Variants in NCAPH observed in about 807,000 individuals in gnomAD.
NCAPH encodes the protein non-SMC condensin I complex subunit H.
In NCAPH, 38 loss-of-function variants were observed where a neutral mutation model predicts 85.5. That is an observed-to-expected ratio of 0.44 (90% CI 0.34 to 0.58). NCAPH has a LOEUF of 0.58. Among genes scored for constraint, NCAPH ranks in the 20% least tolerant of loss-of-function variants. NCAPH has a pLI of 0.01. For missense variants in NCAPH, 789 were observed against 916.6 expected, an observed-to-expected ratio of 0.86 and a Z score of 1.80; for synonymous variants, 301 against 335.1, an observed-to-expected ratio of 0.90 and a Z score of 1.11.
intron 6 of NCAPH, 24 bp downstream of exon 6, chr2:96,344,253 G>A (rs771877475): frequency 6.3e-7 from 1 of 1,584,774 alleles, no homozygotes; most frequent in Non-Finnish European, 8.6e-7. Context: ...TGCGCAGTGT[G>A]GTTTCTGACT....
At chr2:96,354,136 G>T in intron 8 of NCAPH, 47 bp from the exon 9 acceptor site, 1 of 1,561,748 alleles carries the variant, frequency 6.4e-7, no homozygotes, top group South Asian at 1.2e-5. Flanking sequence ...GGTGATTTGG[G>T]GTGGTTATAG....
chr2:96,341,976 C>A (rs961085853), intron 2 of NCAPH, 74 bp from the exon 3 acceptor site: 4 of 1,604,862 alleles, frequency 2.5e-6, no homozygotes, highest in Non-Finnish European at 3.4e-6. Context: ...CACAAAACTT[C>A]ATGGGTCTAG....
Position 96,368,998 on chromosome 2 carries a change from A to C in NCAPH, c.2025A>C (p.Glu675Asp), listed in dbSNP as rs2064736267. Reference protein sequence around the residue: ...AEANHREAGKEAALAEVADEK... With the variant: ...AEANHREAGKDAALAEVADEK... ...CAAACCACAGGGAAGCTGGAAAAGA[A>C]GCGGCCCTGGCAGAAGTGGCTGACG... The change falls in exon 16 of 18, where the codon GAA becomes GAC. Residue 675 changes from glutamate to aspartate, a missense_variant. Physicochemically the swap from Glu to Asp is conservative, Grantham distance 45 (BLOSUM62 2). Coordinates refer to ENST00000240423, the MANE Select transcript of NCAPH (RefSeq NM_015341.5). 6.4e-7 allele frequency: 1 copy of C among 1,555,340 alleles called. No individual in the cohort carries two copies. Among genetic ancestry groups the C allele is most frequent in the Admixed American group, 2.0e-5 (1 of 51,236 alleles).
chr2:96,371,009 G>A (rs1005409217), intron 17 of NCAPH, among the ~76,000 whole-genome samples: 2 of 152,194 alleles, frequency 1.3e-5, no homozygotes, highest in Admixed American at 1.3e-4. Context: ...GGAGGTGGTA[G>A]TTCCTATACC....
chr2:96,370,328 G>C (rs891458010), intron 17 of NCAPH, among the ~76,000 whole-genome samples: 2 of 152,246 alleles, frequency 1.3e-5, no homozygotes, highest in Admixed American at 6.5e-5. Flanking sequence ...CCCAGGAGGA[G>C]GGGGTGGGCA....
Position 96,361,812 on chromosome 2 carries a change from A to ATG in NCAPH, c.1587+1103_1587+1104insGT, listed in dbSNP as rs1241895603. ...TATATATGTATATATATGTGTATAT[A>ATG]TATATATATATATATATTTTTTTTT... On this transcript the variant is annotated intron_variant, in intron 12 of 17. Coordinates refer to ENST00000240423, the MANE Select transcript of NCAPH (RefSeq NM_015341.5). 1.7e-4 allele frequency among the ~76,000 whole-genome samples: 14 copies of ATG among 82,648 alleles called. No homozygotes were observed. The South Asian group carries it at 6.9e-3, about 41-fold the overall frequency. 54.2% of individuals were successfully genotyped at this position (82,648 alleles called of 152,430 possible).
At chr2:96,362,800 A>G (rs1025581196) in intron 12 of NCAPH, among the ~76,000 whole-genome samples, 1 of 152,072 alleles carries the variant, frequency 6.6e-6, no homozygotes, top group Admixed American at 6.6e-5. Context: ...AGCAAAGAAC[A>G]TTTTCTTGAG....
rs531574304 is a variant in NCAPH at position 96,373,388 on chromosome 2, C to T, written c.*37C>T. 1.7e-4 allele frequency: 277 copies of T among 1,594,220 alleles called. No individual in the cohort carries two copies. The highest frequency in any genetic ancestry group is 2.3e-4 in the Non-Finnish European group (269 of 1,162,982). ...AGAAGTCAGCAGCAGGAGGCCCATC[C>T]CTTACTCAGTTGCCGGGACATCCCC... is the stretch of plus-strand genomic sequence containing the variant. On this transcript the variant is annotated 3_prime_UTR_variant, in exon 18 of 18. Coordinates refer to ENST00000240423, the MANE Select transcript of NCAPH (RefSeq NM_015341.5).
At chr2:96,348,090 TTGTG>T (rs1403738110) in intron 6 of NCAPH, among the ~76,000 whole-genome samples, 9 of 151,880 alleles carry the variant, frequency 5.9e-5, no homozygotes, top group Non-Finnish European at 1.2e-4. Flanking sequence ...CTGGGAAGAG[TTGTG>T]AATCTCACTG....
chr2:96,373,226 A>G, intron 17 of NCAPH, 66 bp from the exon 18 acceptor site: 1 of 1,390,034 alleles, frequency 7.2e-7, no homozygotes, highest in East Asian at 2.3e-5. Flanking sequence ...TGTGACTGTG[A>G]TTGGAATTTA....
intron 1 of NCAPH, among the ~76,000 whole-genome samples, chr2:96,340,563 G>C (rs573715469): frequency 6.6e-6 from 1 of 151,922 alleles, no homozygotes; most frequent in South Asian, 2.1e-4. Flanking sequence ...GCTAACTTTT[G>C]TATTTTTAGT....
chr2:96,360,683 C>A lies in NCAPH; in HGVS notation c.1560C>A (p.Val520=). ...TCAACTACAATGTTGACACTCTGGT[C>A]CAGCTTCACCTCAAACCAGGCACCA... The part of the protein sequence containing the change: ...TDFNYNVDTL[V]QLHLKPGTRL... The change falls in exon 12 of 18, where the codon GTC becomes GTA. Residue 520 remains valine, a synonymous_variant. Coordinates refer to ENST00000240423, the MANE Select transcript of NCAPH (RefSeq NM_015341.5). 6.2e-7 allele frequency: 1 copy of A among 1,614,182 alleles called. No homozygotes were observed. Among genetic ancestry groups the A allele is most frequent in the South Asian group, 1.1e-5 (1 of 91,078 alleles).
intron 6 of NCAPH, among the ~76,000 whole-genome samples, chr2:96,350,399 CT>C (rs2064423546): frequency 6.6e-6 from 1 of 152,120 alleles, no homozygotes; most frequent in Non-Finnish European, 1.5e-5. Flanking sequence ...CTACACAAGA[CT>C]TTTAGGGGTG....
chr2:96,354,909 G>A (rs1269151424), intron 9 of NCAPH, among the ~76,000 whole-genome samples: 2 of 152,186 alleles, frequency 1.3e-5, no homozygotes, highest in Non-Finnish European at 2.9e-5. Flanking sequence ...TTTGGTAGCA[G>A]AGAGCATGCT....
intron 1 of NCAPH, among the ~76,000 whole-genome samples, chr2:96,338,559 CTA>C (rs2064246725): frequency 1.3e-5 from 2 of 152,168 alleles, no homozygotes; most frequent in Non-Finnish European, 2.9e-5. Flanking sequence ...GTTGAGAAGA[CTA>C]TCATGGATCA....
At chr2:96,370,216 C>G (rs993064665) in intron 17 of NCAPH, among the ~76,000 whole-genome samples, 1 of 152,228 alleles carries the variant, frequency 6.6e-6, no homozygotes, top group Non-Finnish European at 1.5e-5. Flanking sequence ...CAGCCTTTGG[C>G]ACGTGCAGTA....
At chr2:96,337,058 G>A (rs1048704723) in intron 1 of NCAPH, among the ~76,000 whole-genome samples, 1 of 152,240 alleles carries the variant, frequency 6.6e-6, no homozygotes, top group Non-Finnish European at 1.5e-5. Flanking sequence ...ATAGGAACCA[G>A]ACCAGAGTGG....
chr2:96,365,891 G>A lies in NCAPH; in HGVS notation c.1714G>A (p.Asp572Asn), dbSNP rs1267576258. ...CPGLQAADSD[D>N]EDLDDLFVGP... The stretch of plus-strand genomic sequence containing the variant: ...TCTTGCCCAGGCTGCTGACAGTGAT[G>A]ATGAAGATTTGGATGACTTATTTGT... Residue 572 changes from aspartate to asparagine, a missense_variant, in exon 14 of 18, where the codon GAT becomes AAT. Transcript: ENST00000240423. The A allele has an allele frequency of 6.2e-7, 1 of 1,614,078 alleles. No homozygotes were observed. The highest frequency in any genetic ancestry group is 1.7e-5 in the Admixed American group (1 of 60,006).
rs2064822897 is a variant in NCAPH at position 96,375,522 on chromosome 2, C to A, written c.*2171C>A. Reference sequence around the variant, plus strand: ...GCAATGAGAAGGCACCATCTGTGAGCAAGGAGCCCCTCACCAGACAGCAAA... The same window carrying A: ...GCAATGAGAAGGCACCATCTGTGAGAAAGGAGCCCCTCACCAGACAGCAAA... On this transcript the variant is annotated 3_prime_UTR_variant, in exon 18 of 18. Coordinates refer to ENST00000240423, the MANE Select transcript of NCAPH (RefSeq NM_015341.5). Among the ~76,000 whole-genome samples, 1 of 152,294 alleles carries A rather than the reference C, an allele frequency of 6.6e-6. No individual in the cohort carries two copies. Among genetic ancestry groups the A allele is most frequent in the African/African-American group, 2.4e-5 (1 of 41,568 alleles).
Sources: gnomAD v4.1 joint callset for allele counts (sites outside exome capture counted in the v4.1 genomes callset) on GRCh38, gnomAD v4.1.1 for gene constraint, MANE v1.5 for transcripts, NCBI Gene and HGNC (gene_info 2026-07-23, HGNC 2026-07-21) for gene names.